The following ACBD6 variants were observed in gnomAD, a reference collection of about 807,000 sequenced individuals.
ACBD6 encodes the protein acyl-CoA-binding domain-containing protein 6.
A neutral mutation model predicts 37.2 loss-of-function variants in ACBD6; 28 were observed. That is an observed-to-expected ratio of 0.75 (90% CI 0.56 to 1.03). ACBD6 has a LOEUF of 1.03. ACBD6 is among the 50% of genes least tolerant of loss of function. ACBD6 has a pLI of 0.00. For synonymous variants in ACBD6, 113 were observed against 126.8 expected (o/e 0.89, Z 0.73); for missense variants, 340 against 337.4 (o/e 1.01, Z -0.06).
At chr1:180,319,373 G>A (rs762137900) in intron 6 of ACBD6, among the ~76,000 whole-genome samples, 4 of 151,936 alleles carry the variant, frequency 2.6e-5, no homozygotes, top group Non-Finnish European at 4.4e-5. Flanking sequence ...AATTTTTGTG[G>A]GTACACAGTA....
At chr1:180,269,720 T>C (rs1480860037) in exon 14 of ACBD6, 1 of 152,260 alleles carries the variant, frequency 6.6e-6, no homozygotes, top group African/African-American at 2.4e-5. Flanking sequence ...TATTTCCCAT[T>C]TGCATAATTC....
intron 6 of ACBD6, among the ~76,000 whole-genome samples, chr1:180,359,663 A>AGACT (rs1652772429): frequency 1.3e-5 from 2 of 152,120 alleles, no homozygotes; most frequent in African/African-American, 4.8e-5. Context: ...GAAGAAAATG[A>AGACT]GACTGGTTGC....
chr1:180,467,240 C>T (rs894283510), intron 3 of ACBD6, among the ~76,000 whole-genome samples: 1 of 151,918 alleles, frequency 6.6e-6, no homozygotes, highest in Non-Finnish European at 1.5e-5. Flanking sequence ...CTACCACACC[C>T]AGCATGTAGC....
At chr1:180,334,931 T>A (rs1048213471) in intron 6 of ACBD6, among the ~76,000 whole-genome samples, 1 of 151,944 alleles carries the variant, frequency 6.6e-6, no homozygotes, top group African/African-American at 2.4e-5. Flanking sequence ...ATCAAATGAA[T>A]GAAATGAAGC....
In ACBD6 at chr1:180,271,318, T is replaced by G. The variant is rs910248242; in HGVS notation, c.*1907A>C. ...TGCAGAAAGGATGGAAGGGAGGGTG[T>G]GGGAGGAGGCGCAGCTGCTGCAGAT... On this transcript the variant is annotated 3_prime_UTR_variant, in exon 14 of 14. Coordinates refer to the ACBD6 transcript ENST00000642319. The G allele has an allele frequency of 2.5e-6, 4 of 1,576,836 alleles. No individual in the cohort carries two copies. The African/African-American group carries it at 4.0e-5, about 16-fold the overall frequency.
chr1:180,321,779 T>C (rs1651081712), intron 6 of ACBD6, among the ~76,000 whole-genome samples: 1 of 152,170 alleles, frequency 6.6e-6, no homozygotes, highest in Non-Finnish European at 1.5e-5. Flanking sequence ...CTTTAGGTTT[T>C]CCAAAATATA....
At chr1:180,290,412 G>A (rs1433225212) in intron 7 of ACBD6, among the ~76,000 whole-genome samples, 1 of 152,138 alleles carries the variant, frequency 6.6e-6, no homozygotes, top group African/African-American at 2.4e-5. Flanking sequence ...ACTAGGCTCA[G>A]GCAATCCTCC....
rs1303664884 is a variant in ACBD6 at position 180,366,916 on chromosome 1, G to T, written c.663+30600C>A. Among the ~76,000 whole-genome samples, 8 of 152,286 alleles carry T rather than the reference G, an allele frequency of 5.3e-5. No individual in the cohort carries two copies. In the South Asian group the frequency reaches 1.2e-3, roughly 24 times the overall value. ...CGGCAACACAATGCAGGAAAAAAAG[G>T]GTGGAATCTGCAGTGAAAATACCAG... On this transcript the variant is annotated intron_variant, in intron 6 of 7. Transcript: ENST00000367595.
At chr1:180,461,960 G>A (rs10158367) in intron 3 of ACBD6, among the ~76,000 whole-genome samples, 73,923 of 152,066 alleles carry the variant, frequency 0.49, 20,803 homozygotes, top group South Asian at 0.66. Flanking sequence ...GGTAGGCTGG[G>A]CATGGTGGCT....
intron 3 of ACBD6, among the ~76,000 whole-genome samples, chr1:180,486,864 G>T (rs1557891005): frequency 6.6e-6 from 1 of 152,084 alleles, no homozygotes; most frequent in Non-Finnish European, 1.5e-5. Flanking sequence ...TGTACCTCCT[G>T]GTCTGATGCA....
chr1:180,300,425 C>T (rs2149283356), intron 7 of ACBD6, among the ~76,000 whole-genome samples: 1 of 152,168 alleles, frequency 6.6e-6, no homozygotes, highest in South Asian at 2.1e-4. Flanking sequence ...ACTGTTTTGA[C>T]TACCTTAAAA....
At chr1:180,348,952 A>G (rs1249258319) in intron 6 of ACBD6, among the ~76,000 whole-genome samples, 1 of 152,202 alleles carries the variant, frequency 6.6e-6, no homozygotes, top group African/African-American at 2.4e-5. Flanking sequence ...AGGACAAAAT[A>G]TCATTAGGAA....
intron 7 of ACBD6, among the ~76,000 whole-genome samples, chr1:180,311,098 A>G (rs776114847): frequency 2.0e-5 from 3 of 152,220 alleles, no homozygotes; most frequent in Non-Finnish European, 4.4e-5. Context: ...TTTACCATCC[A>G]GAATAATAAA....
At chr1:180,446,447 C>T (rs1649477421) in intron 3 of ACBD6, among the ~76,000 whole-genome samples, 1 of 151,880 alleles carries the variant, frequency 6.6e-6, no homozygotes, top group Admixed American at 6.6e-5. Flanking sequence ...CATTCTAAAC[C>T]CTTAAAAGAG....
chr1:180,464,849 T>A (rs972630967), intron 3 of ACBD6, among the ~76,000 whole-genome samples: 3 of 151,982 alleles, frequency 2.0e-5, no homozygotes, highest in Non-Finnish European at 2.9e-5. Flanking sequence ...TATAGACCAA[T>A]GGAACCGAAT....
At chr1:180,332,413 G>A (rs1439461784) in intron 6 of ACBD6, among the ~76,000 whole-genome samples, 1 of 152,164 alleles carries the variant, frequency 6.6e-6, no homozygotes, top group Non-Finnish European at 1.5e-5. Flanking sequence ...TGGCAGGCAA[G>A]TGAGCAAAGC....
intron 6 of ACBD6, among the ~76,000 whole-genome samples, chr1:180,388,054 T>C (rs1354757744): frequency 5.9e-5 from 9 of 151,770 alleles, no homozygotes; most frequent in African/African-American, 2.2e-4. Context: ...TGGGCACCTG[T>C]AGTCCCAGCT....
In ACBD6 at chr1:180,430,181, T is replaced by C; in HGVS notation, c.466A>G (p.Arg156Gly). Residue 156 changes from arginine (R) to glycine (G), a missense_variant and splice_region_variant, in exon 4 of 8, where the codon AGG becomes GGG. Physicochemically the swap from Arg to Gly is moderately radical, Grantham distance 125. Transcript: ENST00000367595. The stretch of plus-strand genomic sequence containing the variant: ...ATCAAAGATCAGAAGAGAAATTACC[T>C]GATGGTTTCTTCATGATATAGAGAA... Reference protein sequence around the residue: ...ISSLYHEETIREEDKNIFDYC... With the variant: ...ISSLYHEETIGEEDKNIFDYC... 6.2e-7 allele frequency: 1 copy of C among 1,611,932 alleles called. No individual in the cohort carries two copies. Among genetic ancestry groups the C allele is most frequent in the Non-Finnish European group, 8.5e-7 (1 of 1,178,494 alleles).
chr1:180,316,381 G>A (rs1650806680), intron 6 of ACBD6, among the ~76,000 whole-genome samples: 1 of 151,840 alleles, frequency 6.6e-6, no homozygotes, highest in South Asian at 2.1e-4. Flanking sequence ...ATGGGTTTAT[G>A]CATTCACATT....
Sources: gnomAD v4.1 joint callset for allele counts (sites outside exome capture counted in the v4.1 genomes callset) on GRCh38, gnomAD v4.1.1 for gene constraint, MANE v1.5 for transcripts, NCBI Gene and HGNC (gene_info 2026-07-23, HGNC 2026-07-21) for gene names.